Variants in MYO16 observed in about 807,000 individuals in gnomAD.
The protein encoded by MYO16 is unconventional myosin-XVI.
In MYO16, 94 loss-of-function variants were observed where a neutral mutation model predicts 205.3. That is an observed-to-expected ratio of 0.46 (90% CI 0.39 to 0.54). The LOEUF (loss-of-function observed/expected upper bound fraction) is 0.54, where lower values mean the gene tolerates loss of function less well. MYO16 is among the 20% of genes least tolerant of loss of function. MYO16 has a pLI of 0.00. For missense variants in MYO16, 2,315 were observed against 2,387.5 expected (o/e 0.97, Z 0.63); for synonymous variants, 988 against 954.0 (o/e 1.04, Z -0.66).
chr13:108,837,990 T>G (rs1877015701), intron 9 of MYO16, among the ~76,000 whole-genome samples: 1 of 152,124 alleles, frequency 6.6e-6, no homozygotes, highest in Non-Finnish European at 1.5e-5. Context: ...TATAAAACTC[T>G]CTGATAAAGA....
At chr13:108,672,658 G>A (rs1363675554) in intron 2 of MYO16, among the ~76,000 whole-genome samples, 1 of 152,044 alleles carries the variant, frequency 6.6e-6, no homozygotes, top group East Asian at 1.9e-4. Flanking sequence ...TCTAAAATGT[G>A]TTCAACAACT....
chr13:108,663,637 C>T (rs1881599583), intron 1 of MYO16, among the ~76,000 whole-genome samples: 1 of 152,090 alleles, frequency 6.6e-6, no homozygotes, highest in East Asian at 1.9e-4. Flanking sequence ...CTCTTGACAG[C>T]CTGTGAGGGA....
chr13:108,602,089 T>A (rs1878784653), intron 1 of MYO16, among the ~76,000 whole-genome samples: 1 of 122,184 alleles, frequency 8.2e-6, no homozygotes, highest in Non-Finnish European at 1.6e-5. Context: ...CATTGTTATG[T>A]GAGGATATGA....
intron 10 of MYO16, among the ~76,000 whole-genome samples, chr13:108,852,230 C>G (rs1225826407): frequency 2.0e-5 from 3 of 152,198 alleles, no homozygotes; most frequent in Non-Finnish European, 4.4e-5. Context: ...CTCCCCCCAG[C>G]CCCCCAGTAG....
At chr13:108,584,260 T>C in the MYO16 span, among the ~76,000 whole-genome samples, 2 of 152,198 alleles carry the variant, frequency 1.3e-5, no homozygotes, top group African/African-American at 4.8e-5. Context: ...CCTAAAGTAG[T>C]CTTTGAACCA....
the MYO16 span, among the ~76,000 whole-genome samples, chr13:108,499,606 A>G: frequency 6.6e-6 from 1 of 152,168 alleles, no homozygotes; most frequent in African/African-American, 2.4e-5. Context: ...ATGTTATTAT[A>G]ATAACTAGGA....
intron 21 of MYO16, among the ~76,000 whole-genome samples, chr13:108,999,103 A>G (rs1885131248): frequency 1.3e-5 from 2 of 152,188 alleles, no homozygotes; most frequent in Non-Finnish European, 2.9e-5. Flanking sequence ...GGATGTTTAA[A>G]TGGGTAATGG....
the MYO16 span, among the ~76,000 whole-genome samples, chr13:108,532,167 G>A: frequency 1.1e-4 from 16 of 151,956 alleles, no homozygotes; most frequent in South Asian, 3.3e-3. Context: ...GATTGTGCCA[G>A]TGCACTCTAG....
At chr13:108,938,500 C>A (rs528164755) in intron 16 of MYO16, among the ~76,000 whole-genome samples, 2 of 152,188 alleles carry the variant, frequency 1.3e-5, no homozygotes, top group Non-Finnish European at 2.9e-5. Flanking sequence ...GGCCACCAAG[C>A]GCTCAGTGCC....
At chr13:108,509,803 T>TA in the MYO16 span, among the ~76,000 whole-genome samples, 2 of 152,090 alleles carry the variant, frequency 1.3e-5, no homozygotes, top group Non-Finnish European at 2.9e-5. Context: ...ATAATAATAA[T>TA]AAAAAAAGGA....
chr13:108,646,161 A>T (rs1341130683), intron 1 of MYO16, among the ~76,000 whole-genome samples: 2 of 152,138 alleles, frequency 1.3e-5, no homozygotes, highest in Non-Finnish European at 2.9e-5. Flanking sequence ...AAGAAAAAGG[A>T]GGGCTTTTCT....
chr13:108,651,501 C>CA (rs943103712), intron 1 of MYO16, among the ~76,000 whole-genome samples: 5 of 152,100 alleles, frequency 3.3e-5, no homozygotes, highest in African/African-American at 1.2e-4. Flanking sequence ...GATGGATGTG[C>CA]AAAAAGTAAA....
intron 13 of MYO16, among the ~76,000 whole-genome samples, chr13:108,884,048 C>G (rs762921747): frequency 6.6e-6 from 1 of 152,174 alleles, no homozygotes. Flanking sequence ...AGCCAAACCT[C>G]TACAAGGGAG....
intron 4 of MYO16, among the ~76,000 whole-genome samples, chr13:108,745,643 A>G (rs1729041094): frequency 6.6e-6 from 1 of 152,160 alleles, no homozygotes; most frequent in Admixed American, 6.5e-5. Context: ...TTCAATGAAA[A>G]ATTAAAAGAC....
At chr13:108,586,228 A>T in the MYO16 span, among the ~76,000 whole-genome samples, 1 of 152,208 alleles carries the variant, frequency 6.6e-6, no homozygotes, top group Admixed American at 6.5e-5. Context: ...TGAATACAAG[A>T]AAAATACACA....
At chr13:108,673,427 A>G (rs1882076876) in intron 2 of MYO16, among the ~76,000 whole-genome samples, 1 of 151,336 alleles carries the variant, frequency 6.6e-6, no homozygotes, top group African/African-American at 2.4e-5. Context: ...AATGTTTACT[A>G]AGGGCCTGTT....
At chr13:108,521,169 T>C in the MYO16 span, among the ~76,000 whole-genome samples, 3 of 152,186 alleles carry the variant, frequency 2.0e-5, no homozygotes, top group African/African-American at 7.2e-5. Context: ...CTGGGGAGGC[T>C]GGAAATAAAC....
intron 2 of MYO16, among the ~76,000 whole-genome samples, chr13:108,685,297 A>G (rs1307882252): frequency 2.0e-5 from 3 of 152,128 alleles, no homozygotes; most frequent in Non-Finnish European, 4.4e-5. Context: ...CTGGGATTAC[A>G]GGTGTGAGCC....
intron 20 of MYO16, among the ~76,000 whole-genome samples, chr13:108,983,134 ATTGGT>A (rs1337971781): frequency 3.3e-5 from 5 of 152,220 alleles, no homozygotes; most frequent in East Asian, 1.9e-4. Flanking sequence ...TAATTCTCTA[ATTGGT>A]TTGAAGTACA....
Sources: allele counts gnomAD v4.1 joint callset (sites outside exome capture counted in the v4.1 genomes callset), GRCh38; gene constraint gnomAD v4.1.1; transcripts MANE v1.5; gene names NCBI Gene and HGNC (gene_info 2026-07-23, HGNC 2026-07-21).